KLRG1: variants seen among roughly 807,000 people sequenced by gnomAD.
The protein encoded by KLRG1 is killer cell lectin like receptor G1, also known as killer cell lectin-like receptor subfamily G member 1.
Under a neutral mutation model 21.8 loss-of-function variants are expected in KLRG1, and 16 were observed. That is an observed-to-expected ratio of 0.73 (90% CI 0.50 to 1.11). KLRG1 has a LOEUF of 1.11. Among genes scored for constraint, KLRG1 ranks in the 50% most tolerant of loss-of-function variants. The pLI is 0.00. For missense variants in KLRG1, 173 were observed against 218.3 expected, an observed-to-expected ratio of 0.79 and a Z score of 1.31; for synonymous variants, 69 against 75.9, an observed-to-expected ratio of 0.91 and a Z score of 0.47.
chr12:9,127,139 G>C, the KLRG1 span, among the ~76,000 whole-genome samples: 1 of 152,122 alleles, frequency 6.6e-6, no homozygotes, highest in African/African-American at 2.4e-5. Flanking sequence ...AAACTTTTGA[G>C]AATGTCTGTC....
At chr12:8,965,389 G>A (rs894882787) in intron 1 of KLRG1, among the ~76,000 whole-genome samples, 1 of 152,218 alleles carries the variant, frequency 6.6e-6, no homozygotes, top group Non-Finnish European at 1.5e-5. Flanking sequence ...AAAAGAGGAA[G>A]TCAAATTGTC....
the KLRG1 span, among the ~76,000 whole-genome samples, chr12:9,203,217 T>A: frequency 6.6e-6 from 1 of 152,272 alleles, no homozygotes; most frequent in Non-Finnish European, 1.5e-5. Context: ...GGCAATAGGA[T>A]TATTATTTAG....
At chr12:8,972,723 A>G (rs1467449749) in intron 1 of KLRG1, among the ~76,000 whole-genome samples, 3 of 152,192 alleles carry the variant, frequency 2.0e-5, no homozygotes, top group Non-Finnish European at 4.4e-5. Flanking sequence ...GCTTTCTGAT[A>G]TATCTTGAAA....
At chr12:9,024,170 G>A in the KLRG1 span, among the ~76,000 whole-genome samples, 2 of 151,780 alleles carry the variant, frequency 1.3e-5, no homozygotes, top group South Asian at 4.2e-4. Context: ...TGGGATCACA[G>A]GTGTGCACCA....
chr12:9,120,852 C>CATGTGTGTGT, the KLRG1 span, among the ~76,000 whole-genome samples: 10,125 of 143,408 alleles, frequency 0.071, 485 homozygotes, highest in African/African-American at 0.12. Flanking sequence ...ATCCCACTAA[C>CATGTGTGTGT]GTGTGTGTGT....
the KLRG1 span, chr12:9,080,216 C>T: frequency 7.3e-7 from 1 of 1,369,326 alleles, no homozygotes; most frequent in South Asian, 1.2e-5. Flanking sequence ...AAAATTATTT[C>T]TGCATTATAT....
At chr12:9,182,084 T>C in the KLRG1 span, 1 of 1,613,100 alleles carries the variant, frequency 6.2e-7, no homozygotes, top group Non-Finnish European at 8.5e-7. Context: ...AACGTCTGAC[T>C]CCACAGGGAA....
At chr12:9,091,410 C>T in the KLRG1 span, 1 of 1,614,158 alleles carries the variant, frequency 6.2e-7, no homozygotes, top group Non-Finnish European at 8.5e-7. Context: ...GTTACTCCTA[C>T]CTCAGCCACA....
the KLRG1 span, among the ~76,000 whole-genome samples, chr12:9,087,729 CAT>C: frequency 6.6e-6 from 1 of 152,078 alleles, no homozygotes; most frequent in African/African-American, 2.4e-5. Context: ...TAAATCATAA[CAT>C]CACTTTGTAT....
chr12:9,097,862 A>G, the KLRG1 span, among the ~76,000 whole-genome samples: 3 of 152,024 alleles, frequency 2.0e-5, no homozygotes. Context: ...CAAACTCCTG[A>G]TCTCAAGTTA....
At chr12:9,101,913 A>G in the KLRG1 span, among the ~76,000 whole-genome samples, 2 of 152,132 alleles carry the variant, frequency 1.3e-5, no homozygotes, top group African/African-American at 4.8e-5. Context: ...AAGAGCATAA[A>G]AGGAGGCATC....
intron 1 of KLRG1, among the ~76,000 whole-genome samples, chr12:8,970,045 G>A (rs1034647432): frequency 6.6e-6 from 1 of 152,228 alleles, no homozygotes; most frequent in Admixed American, 6.5e-5. Flanking sequence ...AAGCCTGGGA[G>A]GTTGAGGCTG....
At chr12:8,963,458 G>A (rs746189295) in intron 1 of KLRG1, among the ~76,000 whole-genome samples, 120 of 152,274 alleles carry the variant, frequency 7.9e-4, no homozygotes, top group African/African-American at 2.6e-3. Flanking sequence ...GAGGATTTTC[G>A]CATCAATGTT....
the KLRG1 span, among the ~76,000 whole-genome samples, chr12:9,094,737 T>A: frequency 6.6e-6 from 1 of 152,158 alleles, no homozygotes; most frequent in Non-Finnish European, 1.5e-5. Context: ...AACATTTCTA[T>A]TTCTGTTTAC....
At chr12:9,119,746 T>C in the KLRG1 span, among the ~76,000 whole-genome samples, 1 of 152,176 alleles carries the variant, frequency 6.6e-6, no homozygotes, top group Admixed American at 6.5e-5. Flanking sequence ...GAAGGATGCA[T>C]GCAGCAGATG....
At chr12:9,127,235 G>A in the KLRG1 span, among the ~76,000 whole-genome samples, 4 of 152,130 alleles carry the variant, frequency 2.6e-5, no homozygotes, top group Admixed American at 2.6e-4. Flanking sequence ...GCCAGGGAAC[G>A]GCCTTTGGTA....
chr12:9,037,905 A>G, the KLRG1 span, among the ~76,000 whole-genome samples: 3 of 152,208 alleles, frequency 2.0e-5, no homozygotes, highest in Admixed American at 6.5e-5. Flanking sequence ...TGACCTTTGC[A>G]CAAAAACAAA....
At chr12:9,092,262 C>A in the KLRG1 span, among the ~76,000 whole-genome samples, 1 of 152,158 alleles carries the variant, frequency 6.6e-6, no homozygotes, top group East Asian at 1.9e-4. Context: ...TCAAGCACCC[C>A]AATGTTTACA....
the KLRG1 span, among the ~76,000 whole-genome samples, chr12:9,142,075 C>G: frequency 7.9e-5 from 12 of 152,296 alleles, no homozygotes; most frequent in South Asian, 1.5e-3. Context: ...GTAAACATCC[C>G]TCTCTTTAAA....
Sources: gnomAD v4.1 joint callset for allele counts (sites outside exome capture counted in the v4.1 genomes callset) on GRCh38, gnomAD v4.1.1 for gene constraint, MANE v1.5 for transcripts, NCBI Gene and HGNC (gene_info 2026-07-23, HGNC 2026-07-21) for gene names.